The following NUAK1 variants were observed in gnomAD, a reference collection of about 807,000 sequenced individuals.
The protein encoded by NUAK1 is NUAK family kinase 1, also known as NUAK family SNF1-like kinase 1.
NUAK1 carries 26 observed loss-of-function variants against 56.9 expected under a neutral mutation model. That is an observed-to-expected ratio of 0.46 (90% CI 0.33 to 0.63). The LOEUF (loss-of-function observed/expected upper bound fraction) is 0.63, where lower values mean the gene tolerates loss of function less well. Ranked by LOEUF, NUAK1 falls within the 30% of genes least tolerant of loss-of-function variation. NUAK1 has a pLI of 0.02. For synonymous variants in NUAK1, 337 were observed against 336.0 expected, an observed-to-expected ratio of 1.00 and a Z score of -0.03; for missense variants, 727 against 876.1, an observed-to-expected ratio of 0.83 and a Z score of 2.15.
At position 106,123,161 on chromosome 12, in the gene NUAK1, C is replaced by T. The variant is rs556655847; in HGVS notation, c.240+15253G>A. The stretch of plus-strand genomic sequence containing the variant: ...GCATACCAGGAACTGTTCTAGACAC[C>T]GGAGATACAAAAAATGTGATGAACG... On this transcript the variant is annotated intron_variant, in intron 1 of 6. Transcript: ENST00000261402. Among the ~76,000 whole-genome samples, 5 of 152,182 alleles carry T rather than the reference C, an allele frequency of 3.3e-5. No homozygotes were observed. In the South Asian group the frequency reaches 1.0e-3, roughly 32 times the overall value.
At chr12:106,113,332 G>A (rs959631825) in intron 1 of NUAK1, among the ~76,000 whole-genome samples, 1 of 152,212 alleles carries the variant, frequency 6.6e-6, no homozygotes, top group Non-Finnish European at 1.5e-5. Flanking sequence ...TGCTGAGTGG[G>A]CATGCCAAAA....
chr12:106,116,901 G>T (rs2032922105), intron 1 of NUAK1, among the ~76,000 whole-genome samples: 1 of 152,234 alleles, frequency 6.6e-6, no homozygotes, highest in Non-Finnish European at 1.5e-5. Flanking sequence ...GAGGGGCTGG[G>T]AGGCATGTCC....
At chr12:106,137,749 T>C (rs2033143100) in intron 1 of NUAK1, among the ~76,000 whole-genome samples, 1 of 152,254 alleles carries the variant, frequency 6.6e-6, no homozygotes, top group Non-Finnish European at 1.5e-5. Context: ...TAAGCACAGC[T>C]ATCTCTGTAG....
intron 2 of NUAK1, among the ~76,000 whole-genome samples, chr12:106,097,813 C>T (rs1565923144): frequency 6.6e-6 from 1 of 152,186 alleles, no homozygotes; most frequent in East Asian, 1.9e-4. Flanking sequence ...AACCCACCCC[C>T]AGAGTTTCCA....
chr12:106,121,131 G>A (rs1201683780), intron 1 of NUAK1, among the ~76,000 whole-genome samples: 2 of 152,208 alleles, frequency 1.3e-5, no homozygotes, highest in African/African-American at 2.4e-5. Context: ...AGAACCCACA[G>A]CGGGGTCAGG....
At chr12:106,070,157 C>T (rs1272735067) in intron 6 of NUAK1, among the ~76,000 whole-genome samples, 1 of 152,204 alleles carries the variant, frequency 6.6e-6, no homozygotes, top group African/African-American at 2.4e-5. Flanking sequence ...GAGGAAGGTC[C>T]ACCATTCAGC....
chr12:106,091,117 GTTAT>G (rs2032630279), intron 2 of NUAK1, among the ~76,000 whole-genome samples: 1 of 152,134 alleles, frequency 6.6e-6, no homozygotes, highest in Non-Finnish European at 1.5e-5. Context: ...TTTACAACTG[GTTAT>G]TTATAAGCCC....
intron 1 of NUAK1, among the ~76,000 whole-genome samples, chr12:106,114,681 C>A (rs749321290): frequency 4.7e-4 from 72 of 152,148 alleles, no homozygotes; most frequent in Non-Finnish European, 8.7e-4. Context: ...ACAAGAGAGT[C>A]CTGATTCCCA....
At chr12:106,068,056 A>T in intron 6 of NUAK1, 101 bp from the exon 7 acceptor site, 1 of 1,152,904 alleles carries the variant, frequency 8.7e-7, no homozygotes, top group Non-Finnish European at 1.2e-6. Flanking sequence ...CACTCCCTCT[A>T]GGACAAATCC....
At chr12:106,091,780 C>T (rs2032638155) in intron 2 of NUAK1, among the ~76,000 whole-genome samples, 1 of 152,130 alleles carries the variant, frequency 6.6e-6, no homozygotes, top group African/African-American at 2.4e-5. Flanking sequence ...CTCTCCTTCC[C>T]TAGAAAGCTT....
chr12:106,099,739 T>C (rs958217448), intron 2 of NUAK1, among the ~76,000 whole-genome samples: 1 of 152,224 alleles, frequency 6.6e-6, no homozygotes, highest in Non-Finnish European at 1.5e-5. Flanking sequence ...CATGCACACC[T>C]CCTAGCCCAA....
chr12:106,109,249 A>G (rs932044129), intron 1 of NUAK1, among the ~76,000 whole-genome samples: 4 of 152,220 alleles, frequency 2.6e-5, no homozygotes, highest in Non-Finnish European at 5.9e-5. Flanking sequence ...TACTAATAGT[A>G]ATGGCCAGTA....
chr12:106,134,148 A>G (rs1371880365), intron 1 of NUAK1, among the ~76,000 whole-genome samples: 1 of 152,276 alleles, frequency 6.6e-6, no homozygotes, highest in African/African-American at 2.4e-5. Flanking sequence ...GTCACTTAAC[A>G]CTTCTGCGCC....
At chr12:106,113,347 G>A (rs551549189) in intron 1 of NUAK1, among the ~76,000 whole-genome samples, 13 of 152,292 alleles carry the variant, frequency 8.5e-5, no homozygotes, top group Admixed American at 8.5e-4. Context: ...CCAAAAGTGA[G>A]CCACAAACCC....
chr12:106,090,090 T>C lies in NUAK1; in HGVS notation c.362-3205A>G, dbSNP rs866223171. Among the ~76,000 whole-genome samples, 10 of 152,288 alleles carry C rather than the reference T, an allele frequency of 6.6e-5. No homozygotes were observed. In the Middle Eastern group the frequency reaches 0.01, roughly 155 times the overall value. On this transcript the variant is annotated intron_variant, in intron 2 of 6. Coordinates refer to ENST00000261402, the MANE Select transcript of NUAK1 (RefSeq NM_014840.3). ...GATTGGGCCATTTCAATCCTCCTAT[T>C]GGCATCCAGAAGAACTCATATGGAG... is the stretch of plus-strand genomic sequence containing the variant.
At position 106,130,496 on chromosome 12, in the gene NUAK1, G is replaced by A. The variant is rs1328453157; in HGVS notation, c.240+7918C>T. ...GATTGAAAAGAAGAGCAGGTGTGTT[G>A]AGCCCCAATGTGGGGATGTTAGGTC... On this transcript the variant is annotated intron_variant, in intron 1 of 6. Coordinates refer to ENST00000261402, the MANE Select transcript of NUAK1 (RefSeq NM_014840.3). Among the ~76,000 whole-genome samples, 4 of 152,288 alleles carry A rather than the reference G, an allele frequency of 2.6e-5. No individual in the cohort carries two copies. The East Asian group carries it at 5.8e-4, about 22-fold the overall frequency.
intron 4 of NUAK1, among the ~76,000 whole-genome samples, chr12:106,075,677 T>A (rs1286853965): frequency 6.6e-6 from 1 of 152,216 alleles, no homozygotes; most frequent in African/African-American, 2.4e-5. Flanking sequence ...CTCTTGACAG[T>A]GAAGAAATAG....
intron 1 of NUAK1, among the ~76,000 whole-genome samples, chr12:106,115,509 C>T (rs79846158): frequency 0.03 from 4,521 of 152,294 alleles, 242 homozygotes; most frequent in African/African-American, 0.1. Flanking sequence ...CAGGAGCCCC[C>T]GAGGCCTCTC....
intron 1 of NUAK1, among the ~76,000 whole-genome samples, chr12:106,112,013 C>T (rs2032864064): frequency 6.6e-6 from 1 of 151,208 alleles, no homozygotes; most frequent in South Asian, 2.1e-4. Context: ...AACAGAATCT[C>T]CTGTAGGATC....
Sources: allele counts gnomAD v4.1 joint callset (sites outside exome capture counted in the v4.1 genomes callset), GRCh38; gene constraint gnomAD v4.1.1; transcripts MANE v1.5; gene names NCBI Gene and HGNC (gene_info 2026-07-23, HGNC 2026-07-21).